The following PCNX1 variants were observed in gnomAD, a reference collection of about 807,000 sequenced individuals.
PCNX1 encodes the protein pecanex-like protein 1.
A neutral mutation model predicts 242.2 loss-of-function variants in PCNX1; 78 were observed. The observed-to-expected ratio is 0.32, with a 90% CI of 0.27 to 0.39. The LOEUF is 0.39. Among genes scored for constraint, PCNX1 ranks in the 10% least tolerant of loss-of-function variants. The pLI, the probability that PCNX1 is intolerant of heterozygous loss-of-function variation, is 1.00. For missense variants in PCNX1, 2,581 were observed against 2,856.5 expected (o/e 0.90, Z 2.20); for synonymous variants, 1,024 against 1,032.9 (o/e 0.99, Z 0.17).
At chr14:71,016,925 T>A (rs1406017520) in intron 11 of PCNX1, among the ~76,000 whole-genome samples, 1 of 152,058 alleles carries the variant, frequency 6.6e-6, no homozygotes, top group Non-Finnish European at 1.5e-5. Flanking sequence ...ATGAAAAGTT[T>A]GAGAACATCA....
At chr14:70,937,663 C>G (rs552538987) in intron 1 of PCNX1, among the ~76,000 whole-genome samples, 4 of 152,264 alleles carry the variant, frequency 2.6e-5, no homozygotes, top group African/African-American at 9.6e-5. Context: ...TTTTTCCAAT[C>G]TGTGAAGAAA....
chr14:71,101,003 A>C (rs2062447799), intron 30 of PCNX1, among the ~76,000 whole-genome samples: 1 of 152,160 alleles, frequency 6.6e-6, no homozygotes, highest in African/African-American at 2.4e-5. Flanking sequence ...AATGTAGAAC[A>C]TTTTACATTA....
chr14:70,951,375 G>T (rs1337415042), intron 2 of PCNX1, among the ~76,000 whole-genome samples: 1 of 151,748 alleles, frequency 6.6e-6, no homozygotes, highest in Admixed American at 6.6e-5. Flanking sequence ...GGGGGCGGGG[G>T]TTGGTTGGTT....
intron 22 of PCNX1, among the ~76,000 whole-genome samples, chr14:71,050,437 C>CTATCTTTACTTATAAAG (rs2060994516): frequency 6.6e-6 from 1 of 152,070 alleles, no homozygotes. Flanking sequence ...ATATAGCTAC[C>CTATCTTTACTTATAAAG]TATCTTTACT....
At chr14:71,106,911 G>A (rs2062639207) in intron 33 of PCNX1, among the ~76,000 whole-genome samples, 1 of 152,138 alleles carries the variant, frequency 6.6e-6, no homozygotes, top group Non-Finnish European at 1.5e-5. Context: ...TTACTGTGAA[G>A]AGTTACTTGC....
At chr14:71,035,557 C>G (rs1047292904) in intron 18 of PCNX1, among the ~76,000 whole-genome samples, 1 of 150,412 alleles carries the variant, frequency 6.6e-6, no homozygotes, top group Non-Finnish European at 1.5e-5. Context: ...GTCAGGAGTT[C>G]GAGATCAGCC....
At chr14:71,015,466 A>G (rs2059937544) in intron 11 of PCNX1, among the ~76,000 whole-genome samples, 1 of 152,212 alleles carries the variant, frequency 6.6e-6, no homozygotes, top group Non-Finnish European at 1.5e-5. Flanking sequence ...TCTTATATGT[A>G]AAGTGATATA....
At chr14:70,959,324 A>G (rs1254971141) in intron 2 of PCNX1, among the ~76,000 whole-genome samples, 1 of 148,318 alleles carries the variant, frequency 6.7e-6, no homozygotes, top group African/African-American at 2.5e-5. Flanking sequence ...GGTGAGCTGC[A>G]CCCATTAACT....
intron 19 of PCNX1, among the ~76,000 whole-genome samples, chr14:71,041,008 C>G (rs1045903780): frequency 2.0e-5 from 3 of 152,110 alleles, no homozygotes; most frequent in Non-Finnish European, 4.4e-5. Context: ...AAATCTCATT[C>G]TTTTTTATGG....
At position 71,070,493 on chromosome 14, in the gene PCNX1, G is replaced by T. The variant is rs543025948; in HGVS notation, c.4853-3052G>T. ...GACTTGACAGTTGCAGTTATTTCTTGATGTACAGACTGCAGAACGGATGTT... is the reference window on the plus strand; with the variant it reads ...GACTTGACAGTTGCAGTTATTTCTTTATGTACAGACTGCAGAACGGATGTT... On this transcript the variant is annotated intron_variant, in intron 26 of 35. Coordinates refer to ENST00000304743, the MANE Select transcript of PCNX1 (RefSeq NM_014982.3). Among the ~76,000 whole-genome samples, 111 of 152,318 alleles carry T rather than the reference G, an allele frequency of 7.3e-4. 1 individual carries two copies. Among genetic ancestry groups the T allele is most frequent in the African/African-American group, 2.6e-3 (106 of 41,562 alleles).
chr14:71,040,989 C>A (rs1256622554), intron 19 of PCNX1, among the ~76,000 whole-genome samples: 1 of 152,146 alleles, frequency 6.6e-6, no homozygotes, highest in African/African-American at 2.4e-5. Flanking sequence ...CATGGTATAG[C>A]AAATGACAAA....
intron 11 of PCNX1, among the ~76,000 whole-genome samples, chr14:71,017,375 C>T (rs1025195845): frequency 1.1e-4 from 17 of 151,962 alleles, no homozygotes; most frequent in Admixed American, 7.2e-4. Context: ...TAGAGATGGA[C>T]GCAGAGGTGT....
chr14:71,048,907 G>A (rs891431571), intron 22 of PCNX1: 14 of 300,674 alleles, frequency 4.7e-5, no homozygotes, highest in Non-Finnish European at 6.9e-5. Context: ...TTTCAGTATT[G>A]TGATAAATAG....
intron 26 of PCNX1, among the ~76,000 whole-genome samples, chr14:71,063,927 A>G (rs2061384614): frequency 6.6e-6 from 1 of 152,058 alleles, no homozygotes; most frequent in Non-Finnish European, 1.5e-5. Flanking sequence ...TCTATATCAG[A>G]ATTTTCTGAT....
In PCNX1 at chr14:71,111,315, G is replaced by A. The variant is rs938184978; in HGVS notation, c.*1380G>A. ...ATCCTTGATAAAATTTTCCCTTTTG[G>A]TGTGAAACTCCAAAGAAAATTGTAC... On this transcript the variant is annotated 3_prime_UTR_variant, in exon 36 of 36. Coordinates refer to ENST00000304743, the MANE Select transcript of PCNX1 (RefSeq NM_014982.3). 6.6e-6 allele frequency: 1 copy of A among 152,296 alleles called. No individual in the cohort carries two copies. The highest frequency in any genetic ancestry group is 2.4e-5 in the African/African-American group (1 of 41,310). 9.4% of individuals were successfully genotyped at this position (152,296 alleles called of 1,614,324 possible). A position where few individuals can be genotyped will look rare whatever the true frequency, so the allele number is the denominator to read the frequency against.
At chr14:70,941,106 A>G (rs1030378270) in intron 1 of PCNX1, among the ~76,000 whole-genome samples, 9 of 152,112 alleles carry the variant, frequency 5.9e-5, no homozygotes, top group Non-Finnish European at 1.3e-4. Flanking sequence ...GTTATTACTG[A>G]TCTTTTGAAG....
In PCNX1 at chr14:70,978,176, T is replaced by C; in HGVS notation, c.1839T>C (p.Ser613=). 1.9e-6 allele frequency: 3 copies of C among 1,614,120 alleles called. No homozygotes were observed. The highest frequency in any genetic ancestry group is 2.5e-6 in the Non-Finnish European group (3 of 1,180,020). ...AGAGTGACTTGAGTAGAGCATCAAGTGTTCAGTCTGCTCACCAGTTCAGCA... is the reference window on the plus strand; with the variant it reads ...AGAGTGACTTGAGTAGAGCATCAAGCGTTCAGTCTGCTCACCAGTTCAGCA... ...SDQSDLSRAS[S]VQSAHQFSSD... The change falls in exon 6 of 36, where the codon AGT becomes AGC. Residue 613 remains serine (S), a synonymous_variant. Coordinates refer to ENST00000304743, the MANE Select transcript of PCNX1 (RefSeq NM_014982.3).
At chr14:71,106,668 G>T (rs1405413627) in intron 33 of PCNX1, among the ~76,000 whole-genome samples, 3 of 151,628 alleles carry the variant, frequency 2.0e-5, no homozygotes, top group African/African-American at 7.3e-5. Flanking sequence ...GAGAAGGGGT[G>T]GTCTTTAATT....
chr14:71,078,125 T>G (rs1307825084), intron 28 of PCNX1, among the ~76,000 whole-genome samples: 3 of 152,244 alleles, frequency 2.0e-5, no homozygotes, highest in Non-Finnish European at 2.9e-5. Flanking sequence ...CTAATCCTGG[T>G]CTGTTTTGTT....
Sources: gnomAD v4.1 joint callset for allele counts (sites outside exome capture counted in the v4.1 genomes callset) on GRCh38, gnomAD v4.1.1 for gene constraint, MANE v1.5 for transcripts, NCBI Gene and HGNC (gene_info 2026-07-23, HGNC 2026-07-21) for gene names.